Variants in TRAM1 observed in about 807,000 individuals in gnomAD.
TRAM1 encodes the protein translocation associated membrane protein 1.
In TRAM1, 17 loss-of-function variants were observed where a neutral mutation model predicts 48.7. That is an observed-to-expected ratio of 0.35 (90% CI 0.24 to 0.52). TRAM1 has a LOEUF of 0.52. TRAM1 is among the 20% of genes least tolerant of loss of function. The pLI, the probability that TRAM1 is intolerant of heterozygous loss-of-function variation, is 0.94. For missense variants in TRAM1, 351 were observed against 441.5 expected, an observed-to-expected ratio of 0.79 and a Z score of 1.84; for synonymous variants, 182 against 154.0, an observed-to-expected ratio of 1.18 and a Z score of -1.34.
At chr8:70,578,193 G>A (rs1381475968) in intron 10 of TRAM1, among the ~76,000 whole-genome samples, 2 of 152,208 alleles carry the variant, frequency 1.3e-5, no homozygotes, top group African/African-American at 4.8e-5. Context: ...GACACCCCAA[G>A]GGTGACATCA....
intron 1 of TRAM1, chr8:70,606,862 A>T (rs1817731252): frequency 2.0e-6 from 2 of 981,672 alleles, no homozygotes; most frequent in African/African-American, 3.5e-5. Context: ...TCCATTAAAA[A>T]GAAAATGTAT....
intron 10 of TRAM1, among the ~76,000 whole-genome samples, chr8:70,577,625 T>C (rs1284410673): frequency 6.6e-6 from 1 of 152,204 alleles, no homozygotes; most frequent in Non-Finnish European, 1.5e-5. Flanking sequence ...GGACAAGAAC[T>C]TGGGACCTGC....
Position 70,608,209 on chromosome 8 carries a change from GCCGCCCGCGCCTGCAGGTGCT to G in TRAM1, c.-31_-11del. On this transcript the variant is annotated 5_prime_UTR_variant, in exon 1 of 11. Coordinates refer to ENST00000262213, the MANE Select transcript of TRAM1 (RefSeq NM_014294.6). ...TCTTGCGAATCGCCATGGTGGGGCC[GCCGCCCGCGCCTGCAGGTGCT>G]CCGCCCCGGTTCTGCTCTTCCCAGC... is the stretch of plus-strand genomic sequence containing the variant. 1 of 1,582,430 alleles carries G rather than the reference GCCGCCCGCGCCTGCAGGTGCT, an allele frequency of 6.3e-7. No individual in the cohort carries two copies.
At chr8:70,580,272 C>T (rs1289022701) in intron 10 of TRAM1, among the ~76,000 whole-genome samples, 1 of 152,098 alleles carries the variant, frequency 6.6e-6, no homozygotes, top group Non-Finnish European at 1.5e-5. Flanking sequence ...CTCCAATTAT[C>T]CTTTATGAAT....
rs966482079 is a variant in TRAM1 at position 70,605,459 on chromosome 8, T to C, written c.123+2618A>G. 2.7e-4 allele frequency among the ~76,000 whole-genome samples: 41 copies of C among 152,240 alleles called. 1 individual carries two copies. The highest frequency in any genetic ancestry group is 4.4e-5 in the Non-Finnish European group (3 of 68,040). On this transcript the variant is annotated intron_variant, in intron 1 of 10. Transcript: ENST00000262213. Reference sequence around the variant, plus strand: ...TAGTAATACAGTATTTCTTTCTTTCTGAATTTCTTTGTCAATGTCACCATA... The same window carrying C: ...TAGTAATACAGTATTTCTTTCTTTCCGAATTTCTTTGTCAATGTCACCATA...
At chr8:70,599,655 A>G (rs1464234028) in intron 2 of TRAM1, among the ~76,000 whole-genome samples, 1 of 152,210 alleles carries the variant, frequency 6.6e-6, no homozygotes, top group African/African-American at 2.4e-5. Context: ...TTACAGAAAA[A>G]CTAAATCTGC....
chr8:70,591,834 T>C (rs1817370912), intron 6 of TRAM1, among the ~76,000 whole-genome samples: 1 of 152,092 alleles, frequency 6.6e-6, no homozygotes, highest in Non-Finnish European at 1.5e-5. Context: ...CTTCAATCAA[T>C]GTCATTTTTA....
chr8:70,582,629 T>C (rs1431840448), intron 10 of TRAM1, among the ~76,000 whole-genome samples: 1 of 152,082 alleles, frequency 6.6e-6, no homozygotes, highest in Non-Finnish European at 1.5e-5. Context: ...GTTATAGTTC[T>C]AAGCCTAATA....
intron 6 of TRAM1, among the ~76,000 whole-genome samples, chr8:70,590,674 T>C (rs535415098): frequency 8.5e-4 from 130 of 152,340 alleles, no homozygotes; most frequent in Middle Eastern, 3.4e-3. Flanking sequence ...GCCTTTCCTT[T>C]TGGATAGTCA....
intron 6 of TRAM1, among the ~76,000 whole-genome samples, chr8:70,593,088 T>A (rs1418733681): frequency 6.6e-6 from 1 of 152,082 alleles, no homozygotes. Flanking sequence ...AAATAAAAGG[T>A]CTTCATCCTA....
intron 1 of TRAM1, among the ~76,000 whole-genome samples, chr8:70,606,609 T>C (rs1817724583): frequency 6.6e-6 from 1 of 152,150 alleles, no homozygotes; most frequent in Non-Finnish European, 1.5e-5. Flanking sequence ...AAATTGAGGC[T>C]CAGACTTGGG....
At chr8:70,607,938 A>C in intron 1 of TRAM1, 139 bp downstream of exon 1, 1 of 1,076,700 alleles carries the variant, frequency 9.3e-7, no homozygotes, top group Non-Finnish European at 1.2e-6. Context: ...GAAGGCCTGC[A>C]CCTCAGGGAC....
chr8:70,577,264 G>A (rs1338487557), intron 10 of TRAM1, among the ~76,000 whole-genome samples: 1 of 152,204 alleles, frequency 6.6e-6, no homozygotes, highest in African/African-American at 2.4e-5. Context: ...ATGGCAGGTT[G>A]ATGGCAGCAG....
intron 10 of TRAM1, among the ~76,000 whole-genome samples, chr8:70,582,320 G>T (rs1237194681): frequency 3.5e-5 from 5 of 142,962 alleles, no homozygotes; most frequent in Non-Finnish European, 7.6e-5. Context: ...AGAGGCATAT[G>T]TTGCCCAGGC....
At chr8:70,586,664 C>G (rs920039540) in intron 8 of TRAM1, among the ~76,000 whole-genome samples, 8 of 152,112 alleles carry the variant, frequency 5.3e-5, no homozygotes, top group African/African-American at 1.9e-4. Context: ...AAAGTAAACC[C>G]AAGAAGCCTT....
rs577880208 is a variant in TRAM1 at position 70,601,644 on chromosome 8, C to G, written c.124-1562G>C. ...GCTGAATAAATATCAGTTAAAAGTA[C>G]AAACCGGAGTGAGCATGCAGCCAAG... On this transcript the variant is annotated intron_variant, in intron 1 of 10. Coordinates refer to ENST00000262213, the MANE Select transcript of TRAM1 (RefSeq NM_014294.6). Among the ~76,000 whole-genome samples, 4 of 152,286 alleles carry G rather than the reference C, an allele frequency of 2.6e-5. 1 individual carries two copies. Among genetic ancestry groups the G allele is most frequent in the Admixed American group, 2.6e-4 (4 of 15,286 alleles).
rs555327014 is a variant in TRAM1, at chr8:70,608,060, A to G, written c.123+17T>C. ...GGAGGTGGCGGGGCAGGCGGTTGGGACTCGGGGCGGGCTCACCTCAAACAT... is the reference window on the plus strand; with the variant it reads ...GGAGGTGGCGGGGCAGGCGGTTGGGGCTCGGGGCGGGCTCACCTCAAACAT... On this transcript the variant is annotated intron_variant, in intron 1 of 10. Coordinates refer to ENST00000262213, the MANE Select transcript of TRAM1 (RefSeq NM_014294.6). 5 of 1,578,894 alleles carry G rather than the reference A, an allele frequency of 3.2e-6. No homozygotes were observed. The highest frequency in any genetic ancestry group is 1.8e-5 in the Admixed American group (1 of 56,614).
intron 6 of TRAM1, among the ~76,000 whole-genome samples, chr8:70,592,896 TAAA>T (rs1013550072): frequency 6.6e-6 from 1 of 152,182 alleles, no homozygotes; most frequent in Non-Finnish European, 1.5e-5. Context: ...CTACTGGGGC[TAAA>T]AAAGTCAATT....
At chr8:70,588,616 C>T (rs983913729) in intron 6 of TRAM1, among the ~76,000 whole-genome samples, 2 of 152,050 alleles carry the variant, frequency 1.3e-5, no homozygotes, top group African/African-American at 2.4e-5. Context: ...AAAGAAAATG[C>T]TAGAGTATAT....
Sources: gnomAD v4.1 joint callset for allele counts (sites outside exome capture counted in the v4.1 genomes callset) on GRCh38, gnomAD v4.1.1 for gene constraint, MANE v1.5 for transcripts, NCBI Gene and HGNC (gene_info 2026-07-23, HGNC 2026-07-21) for gene names.